Variants in OPHN1 observed in about 807,000 individuals in gnomAD.
OPHN1 encodes the protein oligophrenin-1.
OPHN1 carries 11 observed loss-of-function variants against 60.7 expected under a neutral mutation model. The observed-to-expected ratio is 0.18, with a 90% CI of 0.11 to 0.30. The LOEUF is 0.30. OPHN1 is among the 10% of genes least tolerant of loss of function. OPHN1 has a pLI of 1.00. For synonymous variants in OPHN1, 226 were observed against 222.6 expected, an observed-to-expected ratio of 1.02 and a Z score of -0.14; for missense variants, 449 against 611.0, an observed-to-expected ratio of 0.73 and a Z score of 2.80.
chrX:68,422,777 G>GAA (rs1408248779), intron 2 of OPHN1, among the ~76,000 whole-genome samples: 1 of 56,811 alleles, frequency 1.8e-5, no homozygotes, highest in Admixed American at 2.9e-4. Context: ...AGGGAAGAAA[G>GAA]AAAGAGAGAG....
intron 2 of OPHN1, among the ~76,000 whole-genome samples, chrX:68,362,529 A>G (rs1418402162): frequency 9.0e-6 from 1 of 111,684 alleles, no homozygotes; most frequent in Non-Finnish European, 1.9e-5. Flanking sequence ...TCACCATAAA[A>G]TAAGTACGTG....
chrX:68,187,772 T>C (rs7064204), intron 15 of OPHN1, among the ~76,000 whole-genome samples: 21,459 of 109,048 alleles, frequency 0.2, 1,766 homozygotes, highest in African/African-American at 0.31. Context: ...GGACTACAGG[T>C]GCCCGCCACC....
At chrX:68,200,749 T>G (rs887783862) in intron 11 of OPHN1, among the ~76,000 whole-genome samples, 11 of 112,157 alleles carry the variant, frequency 9.8e-5, no homozygotes, top group African/African-American at 3.6e-4. Context: ...ATGATCCCAG[T>G]CACTGCTAGT....
chrX:68,210,272 T>C lies in OPHN1; in HGVS notation c.713A>G (p.His238Arg). ...LQLSLQNTRN[H>R]FSSTREEMEE... Reference sequence around the variant, plus strand: ...CATCTCTTCCCGGGTACTGGAGAAATGATTTCTTGTCTGTCAAGACATCAT... The same window carrying C: ...CATCTCTTCCCGGGTACTGGAGAAACGATTTCTTGTCTGTCAAGACATCAT... The change falls in exon 9 of 25, where the codon CAT becomes CGT. Residue 238 changes from histidine (H) to arginine (R), a missense_variant. By Grantham distance (29) the His-to-Arg change is conservative. This residue lies in a region of OPHN1 where 166 missense variants were observed against 278.4 expected (regional missense o/e 0.60). Transcript: ENST00000355520. The C allele has an allele frequency of 1.7e-6, 2 of 1,207,783 alleles. No homozygotes were observed. Among genetic ancestry groups the C allele is most frequent in the Non-Finnish European group, 1.1e-6 (1 of 892,086 alleles).
chrX:68,264,744 G>T (rs1405039285), intron 5 of OPHN1, among the ~76,000 whole-genome samples: 1 of 112,490 alleles, frequency 8.9e-6, no homozygotes, highest in Non-Finnish European at 1.9e-5. Flanking sequence ...CCTCACCCGG[G>T]AAGTGCAAGG....
At position 68,042,472 on chromosome X, in the gene OPHN1, C is replaced by G. The variant is rs1223968519; in HGVS notation, c.*4700G>C. 9.0e-6 allele frequency: 1 copy of G among 111,465 alleles called. No homozygotes were observed. The highest frequency in any genetic ancestry group is 1.9e-5 in the Non-Finnish European group (1 of 53,088). 9.2% of individuals were successfully genotyped at this position (111,465 alleles called of 1,213,427 possible). On this transcript the variant is annotated 3_prime_UTR_variant, in exon 25 of 25. Transcript: ENST00000355520. ...ATCTTTCTAGCCCTCTACTAATGTCCTTGGCATCAAGTGCTTCATTTCCCC... is the reference window on the plus strand; with the variant it reads ...ATCTTTCTAGCCCTCTACTAATGTCGTTGGCATCAAGTGCTTCATTTCCCC...
intron 2 of OPHN1, among the ~76,000 whole-genome samples, chrX:68,305,214 T>C (rs771147087): frequency 2.7e-5 from 3 of 110,416 alleles, no homozygotes; most frequent in Non-Finnish European, 5.7e-5. Context: ...ACCCCATCTC[T>C]AGAAAAAATA....
intron 2 of OPHN1, among the ~76,000 whole-genome samples, chrX:68,360,923 T>A (rs886507897): frequency 1.6e-4 from 18 of 112,162 alleles, no homozygotes; most frequent in African/African-American, 5.8e-4. Context: ...AACAATATCA[T>A]AAGGGACTCG....
chrX:68,225,015 T>C (rs1200872200), intron 6 of OPHN1, among the ~76,000 whole-genome samples: 1 of 111,904 alleles, frequency 8.9e-6, no homozygotes, highest in East Asian at 2.8e-4. Context: ...ATCGGGACAC[T>C]CCCACCCTAA....
At chrX:68,129,336 T>A (rs2077184461) in intron 15 of OPHN1, among the ~76,000 whole-genome samples, 1 of 111,102 alleles carries the variant, frequency 9.0e-6, no homozygotes, top group South Asian at 3.8e-4. Flanking sequence ...GGTACCAAAC[T>A]GCATGAGAGT....
chrX:68,413,824 A>T (rs905771286), intron 2 of OPHN1, among the ~76,000 whole-genome samples: 1 of 111,986 alleles, frequency 8.9e-6, no homozygotes, highest in African/African-American at 3.2e-5. Context: ...AAGCACTCTC[A>T]TTGCATCTTT....
rs180936093 is a variant in OPHN1 at position 68,192,712 on chromosome X, T to C, written c.1276+207A>G. 1,057 of 417,214 alleles carry C rather than the reference T, an allele frequency of 2.5e-3. 10 individuals are homozygous for C. Among genetic ancestry groups the C allele is most frequent in the African/African-American group, 0.024 (950 of 39,974 alleles). The allele number at this position is 417,214 out of a possible 1,213,427, so 34.4% of individuals were successfully genotyped here. A position where few individuals can be genotyped will look rare whatever the true frequency, so the allele number is the denominator to read the frequency against. On this transcript the variant is annotated intron_variant, in intron 15 of 24. Coordinates refer to ENST00000355520, the MANE Select transcript of OPHN1 (RefSeq NM_002547.3). ...TATTGCTGAGGGTTTCTGGAGTGAA[T>C]GGGATACGAGGAAGGAGAGATAACA...
chrX:68,237,719 T>C (rs931790917), intron 5 of OPHN1, among the ~76,000 whole-genome samples: 1 of 112,043 alleles, frequency 8.9e-6, no homozygotes, highest in African/African-American at 3.2e-5. Context: ...TGATCTTGTA[T>C]CCTACACAAT....
chrX:68,314,830 A>G (rs1456606061), intron 2 of OPHN1, among the ~76,000 whole-genome samples: 1 of 109,760 alleles, frequency 9.1e-6, no homozygotes, highest in African/African-American at 3.3e-5. Flanking sequence ...TACTAAAAAT[A>G]CAAAAATTAG....
intron 15 of OPHN1, among the ~76,000 whole-genome samples, chrX:68,175,194 T>C (rs1011963336): frequency 1.8e-5 from 2 of 111,506 alleles, no homozygotes; most frequent in Non-Finnish European, 3.8e-5. Context: ...ATGTGTAAGA[T>C]TGTTTCAACT....
intron 2 of OPHN1, among the ~76,000 whole-genome samples, chrX:68,361,485 A>C (rs749530536): frequency 1.1e-3 from 121 of 109,118 alleles, no homozygotes; most frequent in African/African-American, 3.3e-3. Flanking sequence ...ATCTGAAAAA[A>C]AAAATAAAAA....
chrX:68,133,646 A>G (rs2077207475), intron 15 of OPHN1, among the ~76,000 whole-genome samples: 1 of 112,062 alleles, frequency 8.9e-6, no homozygotes, highest in South Asian at 3.7e-4. Flanking sequence ...CTGCTCATCC[A>G]GTAAACAGCT....
chrX:68,337,796 CA>C (rs757328395), intron 2 of OPHN1, among the ~76,000 whole-genome samples: 18,687 of 62,577 alleles, frequency 0.3, 2,203 homozygotes, highest in African/African-American at 0.5. Context: ...CACTCCAAAC[CA>C]AAAAAAAAAA....
At chrX:68,408,229 T>G (rs1480281509) in intron 2 of OPHN1, among the ~76,000 whole-genome samples, 2 of 112,618 alleles carry the variant, frequency 1.8e-5, no homozygotes, top group African/African-American at 6.4e-5. Flanking sequence ...CTACATAAAA[T>G]AGACACAAAG....
Sources: allele counts gnomAD v4.1 joint callset (sites outside exome capture counted in the v4.1 genomes callset), GRCh38; gene constraint gnomAD v4.1.1; regional missense constraint gnomAD v4.1.1; transcripts MANE v1.5; gene names NCBI Gene and HGNC (gene_info 2026-07-23, HGNC 2026-07-21).